Variants in HNRNPDL observed in about 807,000 individuals in gnomAD.
HNRNPDL encodes the protein heterogeneous nuclear ribonucleoprotein D-like.
Under a neutral mutation model 48.0 loss-of-function variants are expected in HNRNPDL, and 18 were observed. The observed-to-expected ratio is 0.38, with a 90% CI of 0.26 to 0.56. The LOEUF is 0.56. Ranked by LOEUF, HNRNPDL falls within the 20% of genes least tolerant of loss-of-function variation. HNRNPDL has a pLI of 0.77. For missense variants in HNRNPDL, 553 were observed against 540.7 expected (o/e 1.02, Z -0.23); for synonymous variants, 306 against 207.3 (o/e 1.48, Z -4.09).
At position 82,429,594 on chromosome 4, in the gene HNRNPDL, G is replaced by C. The variant is rs111993939; in HGVS notation, c.97C>G (p.Arg33Gly). 5.1e-6 allele frequency: 7 copies of C among 1,376,746 alleles called. No homozygotes were observed. The highest frequency in any genetic ancestry group is 5.6e-6 in the Non-Finnish European group (6 of 1,069,098). 85.3% of individuals were successfully genotyped at this position (1,376,746 alleles called of 1,614,324 possible). ...AGCGGGGCTAGCTGCCGCGGCGGCC[G>C]CGGCCGCCAATGGGAGAGGCTGCGG... ...ASRSLSHWRP[R>G]PPRQLAPLLP... is the part of the protein sequence containing the mutation. Residue 33 changes from arginine to glycine, a missense_variant, in exon 1 of 8, where the codon CGG (arginine) becomes GGG (glycine). Around this residue, in one of 4 missense-constraint regions of HNRNPDL, gnomAD observed 327 missense variants for 203.2 expected, o/e 1.61. Coordinates refer to ENST00000295470, the MANE Select transcript of HNRNPDL (RefSeq NM_031372.4).
At position 82,428,368 on chromosome 4, in the gene HNRNPDL, A is replaced by C; in HGVS notation, c.522T>G (p.Val174=). ...GATCTGTTTTAATTGTGCAGTCTAC[A>C]ACTTCCCCAAATCGAGACAAGTACT... ...LTEYLSRFGE[V]VDCTIKTDPV... Residue 174 remains valine, a synonymous_variant, in exon 2 of 8, where the codon GTT becomes GTG. Transcript: ENST00000295470. 6.2e-7 allele frequency: 1 copy of C among 1,613,938 alleles called. No homozygotes were observed. Among genetic ancestry groups the C allele is most frequent in the Non-Finnish European group, 8.5e-7 (1 of 1,179,828 alleles).
chr4:82,423,512 T>G lies in HNRNPDL; in HGVS notation c.*1394A>C, dbSNP rs1392255685. On this transcript the variant is annotated 3_prime_UTR_variant, in exon 8 of 8. Coordinates refer to ENST00000295470, the MANE Select transcript of HNRNPDL (RefSeq NM_031372.4). Reference sequence around the variant, plus strand: ...GGAAGTAGAATCATTGTTAAGAAAGTTGCAGGCACCAAATTAAAAAAAAAA... The same window carrying G: ...GGAAGTAGAATCATTGTTAAGAAAGGTGCAGGCACCAAATTAAAAAAAAAA... 6.6e-6 allele frequency: 1 copy of G among 151,934 alleles called. No homozygotes were observed. Among genetic ancestry groups the G allele is most frequent in the Non-Finnish European group, 1.5e-5 (1 of 67,996 alleles). 9.4% of individuals were successfully genotyped at this position (151,934 alleles called of 1,614,324 possible).
rs1003317726 is a variant in HNRNPDL at position 82,425,966 on chromosome 4, C to T, written c.*22+71G>A. 1.6e-5 allele frequency: 17 copies of T among 1,039,250 alleles called. 1 individual carries two copies. The Middle Eastern group carries it at 9.0e-4, about 55-fold the overall frequency. The allele number at this position is 1,039,250 out of a possible 1,614,324, so 64.4% of individuals were successfully genotyped here. A position where few individuals can be genotyped will look rare whatever the true frequency, so the allele number is the denominator to read the frequency against. On this transcript the variant is annotated intron_variant, in intron 7 of 7. Transcript: ENST00000295470. The stretch of plus-strand genomic sequence containing the variant: ...CAGGCTACATAGTATTTTGTTTTTA[C>T]GTTTCATTTGTCTATTGATCTTTAA...
rs1380529030 is a variant in HNRNPDL at position 82,424,593 on chromosome 4, TA to T, written c.*312del. On this transcript the variant is annotated 3_prime_UTR_variant, in exon 8 of 8. Transcript: ENST00000295470. ...ATTGCTTATTTTAAATTACATTTTTTACAGAGCTATGTAGTACCTGACGCAG... is the reference window on the plus strand; with the variant it reads ...ATTGCTTATTTTAAATTACATTTTTTCAGAGCTATGTAGTACCTGACGCAG... 2.0e-5 allele frequency: 3 copies of T among 152,252 alleles called. No homozygotes were observed. Among genetic ancestry groups the T allele is most frequent in the South Asian group, 4.1e-4 (2 of 4,824 alleles). 9.4% of individuals were successfully genotyped at this position (152,252 alleles called of 1,614,324 possible).
At chr4:82,428,244 A>G in intron 2 of HNRNPDL, 34 bp downstream of exon 2, 1 of 1,608,238 alleles carries the variant, frequency 6.2e-7, no homozygotes, top group Non-Finnish European at 8.5e-7. Flanking sequence ...GCAAAACACC[A>G]CAAAAGCAGC....
intron 7 of HNRNPDL, 156 bp downstream of exon 7, chr4:82,425,881 T>C (rs1157748721): frequency 5.1e-6 from 3 of 585,696 alleles, no homozygotes; most frequent in Non-Finnish European, 9.1e-6. Context: ...TAAAGATCTA[T>C]AGACACTTTA....
chr4:82,425,902 G>A, intron 7 of HNRNPDL, 135 bp downstream of exon 7: 4 of 611,932 alleles, frequency 6.5e-6, no homozygotes, highest in South Asian at 4.4e-5. Context: ...GGCAAAACAG[G>A]CTCATAAAGC....
rs1194719668 is a variant in HNRNPDL, at chr4:82,423,960, C to T, written c.*946G>A. On this transcript the variant is annotated 3_prime_UTR_variant, in exon 8 of 8. Transcript: ENST00000295470. ...GAGCATTAACAGCTAATACAACTTC[C>T]TCAGGATGCCCAAACAGAAAACATT... The T allele has an allele frequency of 6.6e-6, 1 of 152,236 alleles. No homozygotes were observed. Among genetic ancestry groups the T allele is most frequent in the Non-Finnish European group, 1.5e-5 (1 of 68,038 alleles). 9.4% of individuals were successfully genotyped at this position (152,236 alleles called of 1,614,324 possible). A position where few individuals can be genotyped will look rare whatever the true frequency, so the allele number is the denominator to read the frequency against.
At position 82,428,065 on chromosome 4, in the gene HNRNPDL, C is replaced by T. The variant is rs779448092; in HGVS notation, c.727G>A (p.Asp243Asn). The change falls in exon 3 of 8, where the codon GAT (aspartate) becomes AAT (asparagine). Residue 243 changes from aspartate (D) to asparagine (N), a missense_variant. This residue lies in a region of HNRNPDL where 174 missense variants were observed against 204.6 expected (regional missense o/e 0.85). Coordinates refer to ENST00000295470, the MANE Select transcript of HNRNPDL (RefSeq NM_031372.4). Reference sequence around the variant, plus strand: ...TCTTTAATTTGTTCTTCAGAAGTATCCGGGCTCAATCCACCCACAAAAACC... The same window carrying T: ...TCTTTAATTTGTTCTTCAGAAGTATTCGGGCTCAATCCACCCACAAAAACC... ...KKVFVGGLSP[D>N]TSEEQIKEYF... The T allele has an allele frequency of 3.7e-6, 6 of 1,614,074 alleles. No homozygotes were observed. The African/African-American group carries it at 4.0e-5, about 11-fold the overall frequency.
Position 82,426,146 on chromosome 4 carries a change from G to A in HNRNPDL, c.1193-17C>T. The A allele has an allele frequency of 1.9e-6, 3 of 1,588,890 alleles. No homozygotes were observed. The highest frequency in any genetic ancestry group is 2.6e-6 in the Non-Finnish European group (3 of 1,164,496). On this transcript the variant is annotated splice_polypyrimidine_tract_variant and intron_variant, in intron 6 of 7. Coordinates refer to ENST00000295470, the MANE Select transcript of HNRNPDL (RefSeq NM_031372.4). ...TCTGTTGGCCTATTTTGAAAACACA[G>A]AATTCTCATTAAGATAGTTTTCTAC...
In HNRNPDL at chr4:82,423,108, T is replaced by A. The variant is rs1721255093; in HGVS notation, c.*1798A>T. ...AAGCCCCTGCAAGAAAAACCAATTCTCACTCCCCCTTCAATTCTTTGCAAA... is the reference window on the plus strand; with the variant it reads ...AAGCCCCTGCAAGAAAAACCAATTCACACTCCCCCTTCAATTCTTTGCAAA... On this transcript the variant is annotated 3_prime_UTR_variant, in exon 8 of 8. Transcript: ENST00000295470. 1 of 152,182 alleles carries A rather than the reference T, an allele frequency of 6.6e-6. No homozygotes were observed. The highest frequency in any genetic ancestry group is 1.5e-5 in the Non-Finnish European group (1 of 68,030). 9.4% of individuals were successfully genotyped at this position (152,182 alleles called of 1,614,324 possible). A position where few individuals can be genotyped will look rare whatever the true frequency, so the allele number is the denominator to read the frequency against.
In HNRNPDL at chr4:82,427,258, T is replaced by C; in HGVS notation, c.953A>G (p.Gln318Arg). 6.2e-7 allele frequency: 1 copy of C among 1,614,052 alleles called. No individual in the cohort carries two copies. Among genetic ancestry groups the C allele is most frequent in the Non-Finnish European group, 8.5e-7 (1 of 1,179,950 alleles). Residue 318 changes from glutamine to arginine, a missense_variant, in exon 5 of 8, where the codon CAG becomes CGG. Coordinates refer to ENST00000295470, the MANE Select transcript of HNRNPDL (RefSeq NM_031372.4). ...ACCTCTTCCACCTTTTTGTTGTTGCTGTTGCTGCCTATATACCTCTTTGGG... is the reference window on the plus strand; with the variant it reads ...ACCTCTTCCACCTTTTTGTTGTTGCCGTTGCTGCCTATATACCTCTTTGGG... The part of the protein sequence containing the change: ...AQPKEVYRQQ[Q>R]QQQKGGRGAA...
In HNRNPDL at chr4:82,423,802, C is replaced by T. The variant is rs372443050; in HGVS notation, c.*1104G>A. On this transcript the variant is annotated 3_prime_UTR_variant, in exon 8 of 8. Coordinates refer to ENST00000295470, the MANE Select transcript of HNRNPDL (RefSeq NM_031372.4). ...AGTCACATTTGTAATGACTTAGTCA[C>T]ATTTGTAATGACTTTGTCATAACCA... is the stretch of plus-strand genomic sequence containing the variant. The T allele has an allele frequency of 9.7e-5, 13 of 133,530 alleles. No individual in the cohort carries two copies. Among genetic ancestry groups the T allele is most frequent in the African/African-American group, 3.4e-4 (13 of 38,194 alleles). The allele number at this position is 133,530 out of a possible 1,614,324, so 8.3% of individuals were successfully genotyped here.
chr4:82,428,410 G>A lies in HNRNPDL; in HGVS notation c.480C>T (p.Ser160=), dbSNP rs1346361775. The change falls in exon 2 of 8, where the codon AGC becomes AGT. Residue 160 remains serine, a synonymous_variant. Transcript: ENST00000295470. ...ACAAGTACTCTGTCAGATCTTTTTT[G>A]CTTGTATCCCAGCTCAAGCCTCCAA... ...MFIGGLSWDT[S]KKDLTEYLSR... 1.9e-6 allele frequency: 3 copies of A among 1,610,764 alleles called. No homozygotes were observed. The highest frequency in any genetic ancestry group is 2.5e-6 in the Non-Finnish European group (3 of 1,177,924).
rs1174058299 is a variant in HNRNPDL, at chr4:82,429,459, C to T, written c.232G>A (p.Gly78Arg). ...AAGAGATCCGGGCGCCGCCTGCGCC[C>T]TCCCTTTATAGCCGCCCCGCCCGCC... ...RLAGGAAIKG[G>R]RRRRPDLFRR... is the part of the protein sequence containing the mutation. The change falls in exon 1 of 8, where the codon GGG becomes AGG. Residue 78 changes from glycine to arginine, a missense_variant. Transcript: ENST00000295470. The T allele has an allele frequency of 7.5e-6, 12 of 1,602,598 alleles. No individual in the cohort carries two copies. Among genetic ancestry groups the T allele is most frequent in the African/African-American group, 1.3e-5 (1 of 74,704 alleles).
chr4:82,426,542 A>G lies in HNRNPDL; in HGVS notation c.1113T>C (p.Tyr371=), dbSNP rs931291134. 1.2e-6 allele frequency: 2 copies of G among 1,612,708 alleles called. No individual in the cohort carries two copies. The highest frequency in any genetic ancestry group is 1.7e-6 in the Non-Finnish European group (2 of 1,178,864). Residue 371 remains tyrosine (Y), a synonymous_variant, in exon 6 of 8, where the codon TAT becomes TAC. Coordinates refer to ENST00000295470, the MANE Select transcript of HNRNPDL (RefSeq NM_031372.4). ...TATAATCATATCCGCCATAGCCACT[A>G]TAGTTTTGATCACCACCATAGGCAC... The part of the protein sequence containing the change: ...YNSAYGGDQN[Y]SGYGGYDYTG...
rs1721233976 is a variant in HNRNPDL, at chr4:82,422,758, A to G, written c.*2148T>C. On this transcript the variant is annotated 3_prime_UTR_variant, in exon 8 of 8. Coordinates refer to ENST00000295470, the MANE Select transcript of HNRNPDL (RefSeq NM_031372.4). The stretch of plus-strand genomic sequence containing the variant: ...ACCGAGCATTTGTTATAGGTACTTT[A>G]GAATTAATTTCTATCCTCTTCCCGA... 6.6e-6 allele frequency: 1 copy of G among 152,258 alleles called. No homozygotes were observed. Among genetic ancestry groups the G allele is most frequent in the African/African-American group, 2.4e-5 (1 of 41,470 alleles). 9.4% of individuals were successfully genotyped at this position (152,258 alleles called of 1,614,324 possible). A position where few individuals can be genotyped will look rare whatever the true frequency, so the allele number is the denominator to read the frequency against.
rs1419062068 is a variant in HNRNPDL at position 82,428,246 on chromosome 4, A to C, written c.612+32T>G. 4 of 1,608,200 alleles carry C rather than the reference A, an allele frequency of 2.5e-6. No individual in the cohort carries two copies. The African/African-American group carries it at 5.4e-5, about 22-fold the overall frequency. On this transcript the variant is annotated intron_variant, in intron 2 of 7. Coordinates refer to ENST00000295470, the MANE Select transcript of HNRNPDL (RefSeq NM_031372.4). ...CCCAGAAAAATTTGCAAAACACCAC[A>C]AAAGCAGCACAATGCAAAACATAGT...
In HNRNPDL at chr4:82,423,883, A is replaced by G. The variant is rs1721300958; in HGVS notation, c.*1023T>C. The G allele has an allele frequency of 6.6e-6, 1 of 152,242 alleles. No individual in the cohort carries two copies. The highest frequency in any genetic ancestry group is 1.5e-5 in the Non-Finnish European group (1 of 68,042). The allele number at this position is 152,242 out of a possible 1,614,324, so 9.4% of individuals were successfully genotyped here. A position where few individuals can be genotyped will look rare whatever the true frequency, so the allele number is the denominator to read the frequency against. On this transcript the variant is annotated 3_prime_UTR_variant, in exon 8 of 8. Coordinates refer to ENST00000295470, the MANE Select transcript of HNRNPDL (RefSeq NM_031372.4). The stretch of plus-strand genomic sequence containing the variant: ...ATGTAAATATTTAACTACTTAGTTC[A>G]TGCACTGTGTCAAAAACTAGATTTA...
Sources: allele counts gnomAD v4.1 joint callset, GRCh38; gene constraint gnomAD v4.1.1; regional missense constraint gnomAD v4.1.1; transcripts MANE v1.5; gene names NCBI Gene and HGNC (gene_info 2026-07-23, HGNC 2026-07-21).